SMAD2: variants seen among roughly 807,000 people sequenced by gnomAD.
SMAD2 encodes the protein SMAD family member 2.
Under a neutral mutation model 64.4 loss-of-function variants are expected in SMAD2, and 8 were observed. The observed-to-expected ratio is 0.12, with a 90% CI of 0.07 to 0.22. The LOEUF is 0.22. Among genes scored for constraint, SMAD2 ranks in the 10% least tolerant of loss-of-function variants. The pLI, the probability that SMAD2 is intolerant of heterozygous loss-of-function variation, is 1.00. For missense variants in SMAD2, 289 were observed against 561.2 expected, an observed-to-expected ratio of 0.51 and a Z score of 4.90; for synonymous variants, 203 against 195.8, an observed-to-expected ratio of 1.04 and a Z score of -0.31.
intron 1 of SMAD2, among the ~76,000 whole-genome samples, chr18:47,917,669 G>A (rs2034389754): frequency 6.6e-6 from 1 of 151,926 alleles, no homozygotes; most frequent in Admixed American, 6.6e-5. Flanking sequence ...AATTTTTAAT[G>A]GAAAACTTTA....
Position 47,815,939 on chromosome 18 carries a change from G to C in SMAD2, c.*25888C>G, listed in dbSNP as rs1266970346. ...GAGAAGCCTTGCAGACTTACCCAGG[G>C]CTCAGAGCACATGGCTTAGTCCTGA... On this transcript the variant is annotated 3_prime_UTR_variant, in exon 11 of 11. Transcript: ENST00000262160. 6.6e-6 allele frequency: 1 copy of C among 152,196 alleles called. No individual in the cohort carries two copies. Among genetic ancestry groups the C allele is most frequent in the Non-Finnish European group, 1.5e-5 (1 of 68,054 alleles). The allele number at this position is 152,196 out of a possible 1,614,324, so 9.4% of individuals were successfully genotyped here.
Position 47,810,718 on chromosome 18 carries a change from T to C in SMAD2, c.*31109A>G, listed in dbSNP as rs1912172790. On this transcript the variant is annotated 3_prime_UTR_variant, in exon 11 of 11. Transcript: ENST00000262160. ...GGGAGGCTGAGGTGGGAGGATCACTTGGGCCCAGGAGTTTAAGACCAGGCT... is the reference window on the plus strand; with the variant it reads ...GGGAGGCTGAGGTGGGAGGATCACTCGGGCCCAGGAGTTTAAGACCAGGCT... 6.6e-6 allele frequency: 1 copy of C among 151,712 alleles called. No individual in the cohort carries two copies. Among genetic ancestry groups the C allele is most frequent in the South Asian group, 2.1e-4 (1 of 4,794 alleles). 9.4% of individuals were successfully genotyped at this position (151,712 alleles called of 1,614,324 possible).
chr18:47,842,780 A>G (rs1307477910), intron 10 of SMAD2, among the ~76,000 whole-genome samples: 5 of 152,212 alleles, frequency 3.3e-5, no homozygotes, highest in African/African-American at 1.2e-4. Context: ...AAGCCAATGA[A>G]CATCCCTCTT....
In SMAD2 at chr18:47,857,104, G is replaced by A. The variant is rs147331930; in HGVS notation, c.731-5777C>T. Among the ~76,000 whole-genome samples, 1,122 of 152,082 alleles carry A rather than the reference G, an allele frequency of 7.4e-3. 8 individuals are homozygous for A. The highest frequency in any genetic ancestry group is 0.025 in the African/African-American group (1,051 of 41,496). On this transcript the variant is annotated intron_variant, in intron 6 of 10. Transcript: ENST00000262160. The stretch of plus-strand genomic sequence containing the variant: ...GATCTCCTGACCTCGTGATCCGCCC[G>A]CCTCGGCCTCCCAAAGTGACTATGC...
Position 47,835,903 on chromosome 18 carries a change from C to T in SMAD2, c.*5924G>A, listed in dbSNP as rs1393806047. On this transcript the variant is annotated 3_prime_UTR_variant, in exon 11 of 11. Coordinates refer to ENST00000262160, the MANE Select transcript of SMAD2 (RefSeq NM_005901.6). ...TTGGAGGGTAAAAGAATACTTTTCT[C>T]GAAATTTTTTTGAAGAAAAATCTAA... 1 of 205,668 alleles carries T rather than the reference C, an allele frequency of 4.9e-6. No individual in the cohort carries two copies. The highest frequency in any genetic ancestry group is 2.3e-5 in the African/African-American group (1 of 43,764). The allele number at this position is 205,668 out of a possible 1,614,324, so 12.7% of individuals were successfully genotyped here.
intron 2 of SMAD2, among the ~76,000 whole-genome samples, chr18:47,892,162 G>A (rs958818339): frequency 6.6e-6 from 1 of 151,200 alleles, no homozygotes; most frequent in Non-Finnish European, 1.5e-5. Flanking sequence ...TCCTGTAGTT[G>A]AGTCATCCTT....
At chr18:47,850,849 T>TTATATATATATTATATATATTATGTATAA (rs56339341) in intron 7 of SMAD2, among the ~76,000 whole-genome samples, 1 of 12,784 alleles carries the variant, frequency 7.8e-5, no homozygotes, top group African/African-American at 1.6e-4. Context: ...ATATTATATA[T>TTATATATATATTATATATATTATGTATAA]TATATATATT....
At chr18:47,903,288 A>G (rs2033762128) in intron 1 of SMAD2, among the ~76,000 whole-genome samples, 2 of 152,064 alleles carry the variant, frequency 1.3e-5, no homozygotes, top group South Asian at 2.1e-4. Context: ...TAGGATTGCT[A>G]AAAGAAACCT....
At chr18:47,862,797 T>C (rs1568057547) in intron 6 of SMAD2, among the ~76,000 whole-genome samples, 1 of 152,234 alleles carries the variant, frequency 6.6e-6, no homozygotes, top group Non-Finnish European at 1.5e-5. Flanking sequence ...CCACATCTTA[T>C]GATCTATTAT....
At chr18:47,896,429 T>G in intron 2 of SMAD2, 92 bp downstream of exon 2, 1 of 1,319,704 alleles carries the variant, frequency 7.6e-7, no homozygotes, top group Non-Finnish European at 1.1e-6. Context: ...TCATCACTTT[T>G]TACAGGCAAC....
intron 1 of SMAD2, among the ~76,000 whole-genome samples, chr18:47,926,806 A>G (rs1431771518): frequency 1.3e-5 from 2 of 152,206 alleles, no homozygotes; most frequent in East Asian, 1.9e-4. Flanking sequence ...TAACAAACCC[A>G]CAACTACAAG....
rs949609939 is a variant in SMAD2, at chr18:47,831,875, T to C, written c.*9952A>G. 24 of 151,704 alleles carry C rather than the reference T, an allele frequency of 1.6e-4. No individual in the cohort carries two copies. The highest frequency in any genetic ancestry group is 5.6e-4 in the African/African-American group (23 of 41,226). 9.4% of individuals were successfully genotyped at this position (151,704 alleles called of 1,614,324 possible). A position where few individuals can be genotyped will look rare whatever the true frequency, so the allele number is the denominator to read the frequency against. On this transcript the variant is annotated 3_prime_UTR_variant, in exon 11 of 11. Coordinates refer to ENST00000262160, the MANE Select transcript of SMAD2 (RefSeq NM_005901.6). ...TGTGTAAATTAGCTTTTTGGGTTTT[T>C]CTATTCCTTTATTTGTAAACTTATA... is the stretch of plus-strand genomic sequence containing the variant.
Position 47,821,314 on chromosome 18 carries a change from A to C in SMAD2, c.*20513T>G, listed in dbSNP as rs1185197685. ...TGTTTGGCAGGGGTGATAACTCTTA[A>C]CTTTTTCATTAGCTCCTGTAACTTT... On this transcript the variant is annotated 3_prime_UTR_variant, in exon 11 of 11. Coordinates refer to ENST00000262160, the MANE Select transcript of SMAD2 (RefSeq NM_005901.6). The C allele has an allele frequency of 6.6e-6, 1 of 152,032 alleles. No individual in the cohort carries two copies. The highest frequency in any genetic ancestry group is 1.9e-4 in the East Asian group (1 of 5,188). The allele number at this position is 152,032 out of a possible 1,614,324, so 9.4% of individuals were successfully genotyped here.
chr18:47,929,362 T>C (rs2034903979), intron 1 of SMAD2, among the ~76,000 whole-genome samples: 1 of 152,212 alleles, frequency 6.6e-6, no homozygotes, highest in Admixed American at 6.5e-5. Flanking sequence ...TCAGGTTCAA[T>C]TCATATGAAG....
rs1015245408 is a variant in SMAD2 at position 47,838,796 on chromosome 18, G to A, written c.*3031C>T. The A allele has an allele frequency of 8.6e-6, 2 of 232,668 alleles. No individual in the cohort carries two copies. The highest frequency in any genetic ancestry group is 2.2e-5 in the African/African-American group (1 of 45,380). 14.4% of individuals were successfully genotyped at this position (232,668 alleles called of 1,614,324 possible). A position where few individuals can be genotyped will look rare whatever the true frequency, so the allele number is the denominator to read the frequency against. ...CAGCCTCCCCTAAGCCAGCCCCCAA[G>A]GTGTCTCTGTGGAACCTACTGGAAA... On this transcript the variant is annotated 3_prime_UTR_variant, in exon 11 of 11. Transcript: ENST00000262160.
At chr18:47,864,623 T>C (rs984591215) in intron 6 of SMAD2, among the ~76,000 whole-genome samples, 9 of 152,172 alleles carry the variant, frequency 5.9e-5, no homozygotes, top group African/African-American at 2.2e-4. Flanking sequence ...TAATCTACTA[T>C]AATTCAAAAC....
At chr18:47,861,359 C>G (rs1458456166) in intron 6 of SMAD2, among the ~76,000 whole-genome samples, 1 of 151,998 alleles carries the variant, frequency 6.6e-6, no homozygotes, top group Non-Finnish European at 1.5e-5. Context: ...CTGTCCTTAT[C>G]AACAGATGAC....
chr18:47,877,008 A>T (rs2144404118), intron 2 of SMAD2, among the ~76,000 whole-genome samples: 1 of 152,250 alleles, frequency 6.6e-6, no homozygotes, highest in East Asian at 1.9e-4. Flanking sequence ...GGTGGCTCGC[A>T]TCACAGAATC....
In SMAD2 at chr18:47,822,017, C is replaced by T. The variant is rs1568014661; in HGVS notation, c.*19810G>A. The T allele has an allele frequency of 1.3e-5, 2 of 152,244 alleles. No homozygotes were observed. The highest frequency in any genetic ancestry group is 3.9e-4 in the East Asian group (2 of 5,176). 9.4% of individuals were successfully genotyped at this position (152,244 alleles called of 1,614,324 possible). ...AAGCCTCAGAGCATGTGTATGCCAT[C>T]TGGTAGAGATGTTAGCTAATTAGGC... On this transcript the variant is annotated 3_prime_UTR_variant, in exon 11 of 11. Transcript: ENST00000262160.
Sources: allele counts gnomAD v4.1 joint callset (sites outside exome capture counted in the v4.1 genomes callset), GRCh38; gene constraint gnomAD v4.1.1; transcripts MANE v1.5; gene names NCBI Gene and HGNC (gene_info 2026-07-23, HGNC 2026-07-21).